Variants in CBARP observed in about 807,000 individuals in gnomAD.
CBARP encodes voltage-dependent calcium channel beta subunit-associated regulatory protein.
Under a neutral mutation model 36.3 loss-of-function variants are expected in CBARP, and 24 were observed. The observed-to-expected ratio is 0.66, with a 90% confidence interval of 0.48 to 0.93. CBARP has a LOEUF of 0.93. Ranked by LOEUF, CBARP falls within the 40% of genes least tolerant of loss-of-function variation. CBARP has a pLI of 0.00. For synonymous variants in CBARP, 586 were observed against 453.2 expected (o/e 1.29, Z -3.72); for missense variants, 1,146 against 980.4 (o/e 1.17, Z -2.26).
intron 8 of CBARP, 25 bp from the exon 9 acceptor site, chr19:1,231,300 G>C (rs375501336): frequency 6.3e-7 from 1 of 1,591,994 alleles, no homozygotes; most frequent in Non-Finnish European, 8.5e-7. Flanking sequence ...TGCCGTAAGC[G>C]TCAGCCGGCA....
rs2080964013 is a variant in CBARP, at chr19:1,235,894, T to C, written c.130A>G (p.Asn44Asp). The C allele has an allele frequency of 1.2e-6, 2 of 1,612,018 alleles. No individual in the cohort carries two copies. The highest frequency in any genetic ancestry group is 1.7e-5 in the Admixed American group (1 of 59,988). Reference protein sequence around the residue: ...PTAEPDPILDNYVLLVVVMSL... With the variant: ...PTAEPDPILDDYVLLVVVMSL... The stretch of plus-strand genomic sequence containing the variant: ...ATCACCACCACCAGCAGCACGTAGT[T>C]GTCCAGGATGGGGTCTGGCTCTGCC... Residue 44 changes from asparagine (N) to aspartate (D), a missense_variant, in exon 3 of 10, where the codon AAC (asparagine) becomes GAC (aspartate). Coordinates refer to ENST00000650044, the MANE Select transcript of CBARP (RefSeq NM_001393918.1).
rs765120631 is a variant in CBARP, at chr19:1,234,306, C to T, written c.653G>A (p.Arg218His). The change falls in exon 7 of 10, where the codon CGC (arginine) becomes CAC (histidine). Residue 218 changes from arginine (R) to histidine (H), a missense_variant. Coordinates refer to ENST00000650044, the MANE Select transcript of CBARP (RefSeq NM_001393918.1). ...CAGGGCGGAGCTGGGGCCCACAGAG[C>T]GGCCGGTGAGGGCCTTCCCCGGGGG... ...FQPPGKALTG[R>H]SVGPSSALPG... The T allele has an allele frequency of 2.8e-5, 40 of 1,445,644 alleles. No individual in the cohort carries two copies. The highest frequency in any genetic ancestry group is 3.0e-5 in the Non-Finnish European group (33 of 1,096,530). 89.6% of individuals were successfully genotyped at this position (1,445,644 alleles called of 1,614,324 possible).
Position 1,229,687 on chromosome 19 carries a change from C to T in CBARP, c.1610G>A (p.Arg537His). The T allele has an allele frequency of 9.4e-7, 1 of 1,065,402 alleles. No homozygotes were observed. Among genetic ancestry groups the T allele is most frequent in the South Asian group, 2.1e-5 (1 of 47,468 alleles). 66.0% of individuals were successfully genotyped at this position (1,065,402 alleles called of 1,614,324 possible). The change falls in exon 10 of 10, where the codon CGC (arginine) becomes CAC (histidine). Residue 537 changes from arginine to histidine, a missense_variant. Coordinates refer to ENST00000650044, the MANE Select transcript of CBARP (RefSeq NM_001393918.1). The surrounding 1 kb of genome is among the most constrained non-coding windows in gnomAD (Gnocchi z 5.1). ...CTTCTCGTCGATGCTGTAGTCGCGG[C>T]GCGGGCGGCGGGGCCAGGCGCGCGG... is the stretch of plus-strand genomic sequence containing the variant. The part of the protein sequence containing the change: ...RSPRAWPRRP[R>H]RDYSIDEKTD...
In CBARP at chr19:1,229,668, G is replaced by A. The variant is rs1258060071; in HGVS notation, c.1629C>T (p.Asp543=). ...CGTGGAACAGCGCGTCCGTCTTCTC[G>A]TCGATGCTGTAGTCGCGGCGCGGGC... ...PRRPRRDYSI[D]EKTDALFHEF... The change falls in exon 10 of 10, where the codon GAC becomes GAT. Residue 543 remains aspartate, a synonymous_variant. Transcript: ENST00000650044. This position sits in a 1 kb window ranked among gnomAD's most constrained non-coding sequence, Gnocchi z 5.1. 3.5e-6 allele frequency: 4 copies of A among 1,136,106 alleles called. No homozygotes were observed. The highest frequency in any genetic ancestry group is 4.4e-6 in the Non-Finnish European group (4 of 912,314). The allele number at this position is 1,136,106 out of a possible 1,614,324, so 70.4% of individuals were successfully genotyped here. A position where few individuals can be genotyped will look rare whatever the true frequency, so the allele number is the denominator to read the frequency against.
chr19:1,230,683 T>G (rs2080878066), intron 9 of CBARP: 2 of 1,276,616 alleles, frequency 1.6e-6, no homozygotes, highest in Non-Finnish European at 2.0e-6. Context: ...TCAGGGAAGT[T>G]GCCCTTGGGT....
In CBARP at chr19:1,228,297, ATATT is replaced by A. The variant is rs962869758; in HGVS notation, c.*878_*881del. ...CGGAGCAAGCAGGAGTGTGCGGTCA[ATATT>A]TATATCATCCAGAAAAGAAAAACAC... is the stretch of plus-strand genomic sequence containing the variant. On this transcript the variant is annotated 3_prime_UTR_variant, in exon 10 of 10. Coordinates refer to ENST00000650044, the MANE Select transcript of CBARP (RefSeq NM_001393918.1). The A allele has an allele frequency of 1.3e-4, 36 of 269,380 alleles. No homozygotes were observed. The highest frequency in any genetic ancestry group is 3.4e-4 in the Admixed American group (6 of 17,768). 16.7% of individuals were successfully genotyped at this position (269,380 alleles called of 1,614,324 possible). A position where few individuals can be genotyped will look rare whatever the true frequency, so the allele number is the denominator to read the frequency against.
chr19:1,238,151 G>C (rs1000533316), upstream of CBARP: 1 of 151,438 alleles, frequency 6.6e-6, no homozygotes, highest in South Asian at 2.1e-4. Context: ...CCATCGGCAC[G>C]ATTCACCTCG....
In CBARP at chr19:1,229,324, C is replaced by T; in HGVS notation, c.1973G>A (p.Cys658Tyr). 1 of 1,244,140 alleles carries T rather than the reference C, an allele frequency of 8.0e-7. No homozygotes were observed. The highest frequency in any genetic ancestry group is 1.0e-6 in the Non-Finnish European group (1 of 970,146). 77.1% of individuals were successfully genotyped at this position (1,244,140 alleles called of 1,614,324 possible). Reference sequence around the variant, plus strand: ...CAGCACCGACCCGGATGGTAGGACGCACAGGCCCGAGCCGGGGCACCCCCC... The same window carrying T: ...CAGCACCGACCCGGATGGTAGGACGTACAGGCCCGAGCCGGGGCACCCCCC... ...GGGGCPGSGL[C>Y]VLPSGSVLDK... Residue 658 changes from cysteine (C) to tyrosine (Y), a missense_variant, in exon 10 of 10, where the codon TGC becomes TAC. Transcript: ENST00000650044. This position sits in a 1 kb window ranked among gnomAD's most constrained non-coding sequence, Gnocchi z 5.1.
Position 1,236,046 on chromosome 19 carries a change from CAGTGGT to C in CBARP, c.49_54del (p.Thr17_Thr18del), listed in dbSNP as rs199935954. Reference sequence around the variant, plus strand: ...CACGACGTCGTCAGGGCTACTGTGGCAGTGGTGGTGGTGGTGGTGGTGGCGGCTGTG... The same window carrying C: ...CACGACGTCGTCAGGGCTACTGTGGCGGTGGTGGTGGTGGTGGCGGCTGTG... On this transcript the variant is annotated inframe_deletion, in exon 2 of 10. Transcript: ENST00000650044. 0.011 allele frequency: 17,509 copies of C among 1,531,074 alleles called. 114 individuals are homozygous for C. Among genetic ancestry groups the C allele is most frequent in the Non-Finnish European group, 0.013 (15,207 of 1,140,188 alleles). 94.8% of individuals were successfully genotyped at this position (1,531,074 alleles called of 1,614,324 possible).
rs756755306 is a variant in CBARP, at chr19:1,233,449, C to T, written c.956G>A (p.Arg319Gln). The T allele has an allele frequency of 1.0e-5, 16 of 1,595,792 alleles. No individual in the cohort carries two copies. The highest frequency in any genetic ancestry group is 5.6e-5 in the South Asian group (5 of 88,756). The change falls in exon 8 of 10, where the codon CGG becomes CAG. Residue 319 changes from arginine to glutamine, a missense_variant. Coordinates refer to ENST00000650044, the MANE Select transcript of CBARP (RefSeq NM_001393918.1). ...VKKWKLEPSQ[R>Q]AASLDTRGSP... ...ACCTCTCGTGTCCAGACTGGCTGCC[C>T]GCTGGCTGGGCTCCAGCTTCCACTT...
In CBARP at chr19:1,234,248, G is replaced by C. The variant is rs866563653; in HGVS notation, c.711C>G (p.Ala237=). The C allele has an allele frequency of 6.7e-7, 1 of 1,484,238 alleles. No individual in the cohort carries two copies. Among genetic ancestry groups the C allele is most frequent in the Middle Eastern group, 1.8e-4 (1 of 5,582 alleles). The allele number at this position is 1,484,238 out of a possible 1,614,324, so 91.9% of individuals were successfully genotyped here. ...PGDPYNSAAG[A]TDFAEISPSA... is the part of the protein sequence containing the mutation. The stretch of plus-strand genomic sequence containing the variant: ...AGGGGCTGATCTCTGCGAAGTCAGT[G>C]GCGCCCGCGGCTGAGTTGTAGGGGT... The change falls in exon 7 of 10, where the codon GCC becomes GCG. Residue 237 remains alanine, a synonymous_variant. Coordinates refer to ENST00000650044, the MANE Select transcript of CBARP (RefSeq NM_001393918.1).
At position 1,229,337 on chromosome 19, in the gene CBARP, C is replaced by G. The variant is rs1363672121; in HGVS notation, c.1960G>C (p.Gly654Arg). The part of the protein sequence containing the change: ...EEEPGGGGCP[G>R]SGLCVLPSGS... ...GATGGTAGGACGCACAGGCCCGAGC[C>G]GGGGCACCCCCCGCCGCCCGGCTCC... The change falls in exon 10 of 10, where the codon GGC becomes CGC. Residue 654 changes from glycine to arginine, a missense_variant. Gly to Arg is a moderately radical substitution (Grantham distance 125). Coordinates refer to ENST00000650044, the MANE Select transcript of CBARP (RefSeq NM_001393918.1). This position sits in a 1 kb window ranked among gnomAD's most constrained non-coding sequence, Gnocchi z 5.1. The G allele has an allele frequency of 1.3e-5, 16 of 1,216,540 alleles. No homozygotes were observed. Among genetic ancestry groups the G allele is most frequent in the Non-Finnish European group, 1.7e-5 (16 of 953,816 alleles). 75.4% of individuals were successfully genotyped at this position (1,216,540 alleles called of 1,614,324 possible).
chr19:1,232,334 C>T (rs2080905103), intron 8 of CBARP, among the ~76,000 whole-genome samples: 1 of 152,130 alleles, frequency 6.6e-6, no homozygotes, highest in South Asian at 2.1e-4. Flanking sequence ...ACTCACCCCA[C>T]CCCCGCTGGC....
intron 9 of CBARP, 61 bp downstream of exon 9, chr19:1,231,040 G>A (rs773662961): frequency 1.9e-6 from 3 of 1,556,106 alleles, no homozygotes; most frequent in South Asian, 1.2e-5. Flanking sequence ...GCCTAGGGGG[G>A]GGCGAAGGGG....
chr19:1,235,659 A>C, intron 3 of CBARP, 94 bp from the exon 4 acceptor site: 1 of 1,587,124 alleles, frequency 6.3e-7, no homozygotes. Flanking sequence ...CCTGCGCATC[A>C]CCCAGTCTCC....
Position 1,233,476 on chromosome 19 carries a change from T to C in CBARP, c.929A>G (p.Lys310Arg). Reference protein sequence around the residue: ...LDGASPYFKVKKWKLEPSQRA... With the variant: ...LDGASPYFKVRKWKLEPSQRA... ...CTGGCTGGGCTCCAGCTTCCACTTC[T>C]TGACCTTGAAATAGGGGCTGGCCCC... The change falls in exon 8 of 10, where the codon AAG becomes AGG. Residue 310 changes from lysine to arginine, a missense_variant. Transcript: ENST00000650044. The C allele has an allele frequency of 6.2e-7, 1 of 1,604,612 alleles. No individual in the cohort carries two copies. Among genetic ancestry groups the C allele is most frequent in the Non-Finnish European group, 8.5e-7 (1 of 1,176,226 alleles).
chr19:1,233,761 C>T, intron 7 of CBARP, 125 bp from the exon 8 acceptor site: 1 of 964,414 alleles, frequency 1.0e-6, no homozygotes, highest in South Asian at 1.7e-5. Flanking sequence ...GAGAGGGGTA[C>T]CTGCTCGGAG....
In CBARP at chr19:1,230,134, G is replaced by A; in HGVS notation, c.1163C>T (p.Ala388Val). The A allele has an allele frequency of 1.9e-6, 2 of 1,026,664 alleles. No homozygotes were observed. Among genetic ancestry groups the A allele is most frequent in the Non-Finnish European group, 2.3e-6 (2 of 853,694 alleles). The allele number at this position is 1,026,664 out of a possible 1,614,324, so 63.6% of individuals were successfully genotyped here. A position where few individuals can be genotyped will look rare whatever the true frequency, so the allele number is the denominator to read the frequency against. The change falls in exon 10 of 10, where the codon GCG becomes GTG. Residue 388 changes from alanine (A) to valine (V), a missense_variant. Ala to Val is a moderately conservative substitution (Grantham distance 64, BLOSUM62 0). Transcript: ENST00000650044. ...SPPPALGRLEAAEAAGGASPD... is the reference protein window; with the variant it reads ...SPPPALGRLEVAEAAGGASPD... ...GCTCGCTCCTCCCGCTGCCTCGGCC[G>A]CCTCTAGCCTGCAAGCCAGGCCGCG...
At chr19:1,232,117 C>G (rs1276907891) in intron 8 of CBARP, among the ~76,000 whole-genome samples, 1 of 152,122 alleles carries the variant, frequency 6.6e-6, no homozygotes, top group Non-Finnish European at 1.5e-5. Flanking sequence ...CCCCTTCTCC[C>G]AACAGCCTCC....
Sources: allele counts gnomAD v4.1 joint callset (sites outside exome capture counted in the v4.1 genomes callset), GRCh38; gene constraint gnomAD v4.1.1; non-coding constraint Gnocchi (gnomAD v3.1); transcripts MANE v1.5; gene names NCBI Gene and HGNC (gene_info 2026-07-23, HGNC 2026-07-21).